KIAA1549: variants seen among roughly 807,000 people sequenced by gnomAD.
KIAA1549 encodes KIAA1549.
In KIAA1549, 70 loss-of-function variants were observed where a neutral mutation model predicts 156.4. The ratio of observed to expected loss-of-function variants is 0.45; its 90% CI spans 0.37 to 0.55. The LOEUF is 0.55. Ranked by LOEUF, KIAA1549 falls within the 20% of genes least tolerant of loss-of-function variation. The pLI is 0.00. For missense variants in KIAA1549, 2,428 were observed against 2,540.9 expected (o/e 0.96, Z 0.96); for synonymous variants, 1,103 against 1,066.4 (o/e 1.03, Z -0.67).
chr7:138,861,134 C>A lies in KIAA1549; in HGVS notation c.5247+5G>T, dbSNP rs1196804291. The A allele has an allele frequency of 6.2e-7, 1 of 1,613,610 alleles. No individual in the cohort carries two copies. The highest frequency in any genetic ancestry group is 1.3e-5 in the African/African-American group (1 of 75,052). ...ATCAGAGAATTCTAGAAGGCCAGTA[C>A]TTACACTGCAGGGATTGTTGGCCGT... is the stretch of plus-strand genomic sequence containing the variant. On this transcript the variant is annotated splice_donor_5th_base_variant and intron_variant, in intron 16 of 19. Transcript: ENST00000422774.
intron 1 of KIAA1549, among the ~76,000 whole-genome samples, chr7:138,946,716 T>C (rs1273436315): frequency 6.6e-6 from 1 of 152,098 alleles, no homozygotes; most frequent in Non-Finnish European, 1.5e-5. Flanking sequence ...GAGGCAGAAG[T>C]TGCAGTGAGC....
chr7:138,837,663 G>A lies in KIAA1549; in HGVS notation c.*243C>T. ...TGTTTTGTTTTTGTGAAGTGCTGCT[G>A]GCTTTTGGCCAAAATACATATATTT... On this transcript the variant is annotated 3_prime_UTR_variant, in exon 20 of 20. Coordinates refer to ENST00000422774, the MANE Select transcript of KIAA1549 (RefSeq NM_001164665.2). 1.8e-6 allele frequency: 1 copy of A among 560,928 alleles called. No homozygotes were observed. Among genetic ancestry groups the A allele is most frequent in the Non-Finnish European group, 3.1e-6 (1 of 319,988 alleles). The allele number at this position is 560,928 out of a possible 1,614,324, so 34.7% of individuals were successfully genotyped here. A position where few individuals can be genotyped will look rare whatever the true frequency, so the allele number is the denominator to read the frequency against.
intron 15 of KIAA1549, among the ~76,000 whole-genome samples, chr7:138,865,849 G>A (rs1584714278): frequency 6.6e-6 from 1 of 152,176 alleles, no homozygotes; most frequent in Admixed American, 6.5e-5. Context: ...AAAGAGAGGG[G>A]GACTGAGAGG....
chr7:138,942,243 A>G (rs1364610042), intron 1 of KIAA1549, among the ~76,000 whole-genome samples: 1 of 152,174 alleles, frequency 6.6e-6, no homozygotes, highest in Non-Finnish European at 1.5e-5. Context: ...ATTCTTGAGC[A>G]GCTCTGTACA....
At chr7:138,883,462 G>A (rs940031514) in intron 10 of KIAA1549, among the ~76,000 whole-genome samples, 1 of 151,700 alleles carries the variant, frequency 6.6e-6, no homozygotes, top group Non-Finnish European at 1.5e-5. Flanking sequence ...AAGGGTGCAC[G>A]CCACCATGCC....
At chr7:138,840,851 C>G (rs1201365591) in intron 18 of KIAA1549, among the ~76,000 whole-genome samples, 2 of 152,134 alleles carry the variant, frequency 1.3e-5, no homozygotes, top group Non-Finnish European at 2.9e-5. Context: ...ACCCCTGATG[C>G]AACTGTTTTG....
chr7:138,879,815 A>C (rs993337930), intron 11 of KIAA1549, among the ~76,000 whole-genome samples, 162 bp from the exon 12 acceptor site: 2 of 152,214 alleles, frequency 1.3e-5, no homozygotes, highest in Admixed American at 1.3e-4. Context: ...GGATCACATT[A>C]ACACCACAGT....
intron 15 of KIAA1549, among the ~76,000 whole-genome samples, chr7:138,865,595 A>G (rs1473274057): frequency 6.6e-6 from 1 of 152,148 alleles, no homozygotes; most frequent in Non-Finnish European, 1.5e-5. Flanking sequence ...ATTTTGGGGC[A>G]ATCTTTTAAA....
chr7:138,939,748 A>T (rs1201014012), intron 1 of KIAA1549, among the ~76,000 whole-genome samples: 3 of 152,188 alleles, frequency 2.0e-5, no homozygotes, highest in Non-Finnish European at 4.4e-5. Flanking sequence ...ATCCATTACA[A>T]GGCTCCTCAT....
chr7:138,831,523 AG>A lies in KIAA1549; in HGVS notation c.*6382del, dbSNP rs1157831806. 4 of 220,504 alleles carry A rather than the reference AG, an allele frequency of 1.8e-5. No individual in the cohort carries two copies. The highest frequency in any genetic ancestry group is 1.2e-4 in the Admixed American group (2 of 17,332). 13.7% of individuals were successfully genotyped at this position (220,504 alleles called of 1,614,324 possible). On this transcript the variant is annotated 3_prime_UTR_variant, in exon 20 of 20. Transcript: ENST00000422774. Reference sequence around the variant, plus strand: ...CATTAGAAAACAGTGCAGCTATTGAAGGATAGAAACATAAAACCGACAAATA... The same window carrying A: ...CATTAGAAAACAGTGCAGCTATTGAAGATAGAAACATAAAACCGACAAATA...
chr7:138,874,246 T>C (rs182155109), intron 12 of KIAA1549, among the ~76,000 whole-genome samples: 1 of 151,918 alleles, frequency 6.6e-6, no homozygotes, highest in Admixed American at 6.6e-5. Flanking sequence ...GAACTTGGGA[T>C]TAAAACCCCT....
At position 138,837,213 on chromosome 7, in the gene KIAA1549, A is replaced by G. The variant is rs1809735354; in HGVS notation, c.*693T>C. The G allele has an allele frequency of 4.4e-6, 1 of 227,370 alleles. No homozygotes were observed. The highest frequency in any genetic ancestry group is 5.7e-5 in the Admixed American group (1 of 17,594). 14.1% of individuals were successfully genotyped at this position (227,370 alleles called of 1,614,324 possible). On this transcript the variant is annotated 3_prime_UTR_variant, in exon 20 of 20. Coordinates refer to ENST00000422774, the MANE Select transcript of KIAA1549 (RefSeq NM_001164665.2). ...TTTTCTAGAACAAAATGAAACCTTCAACATATTCTTCCACTGAAAAAGCCA... is the reference window on the plus strand; with the variant it reads ...TTTTCTAGAACAAAATGAAACCTTCGACATATTCTTCCACTGAAAAAGCCA...
At position 138,918,699 on chromosome 7, in the gene KIAA1549, C is replaced by A. The variant is rs2130482405; in HGVS notation, c.927G>T (p.Gln309His). The A allele has an allele frequency of 6.2e-7, 1 of 1,613,836 alleles. No individual in the cohort carries two copies. Among genetic ancestry groups the A allele is most frequent in the Non-Finnish European group, 8.5e-7 (1 of 1,179,890 alleles). ...TTGTGGCCCAAACCTCCTCTGGAGG[C>A]TGTGAGACCTCCCCCAAGGAGGGCA... ...IPLPSLGEVS[Q>H]PPEEVWATSA... Residue 309 changes from glutamine (Q) to histidine (H), a missense_variant, in exon 2 of 20, where the codon CAG (glutamine) becomes CAT (histidine). Physicochemically the swap from Gln to His is conservative, Grantham distance 24. Around this residue, in one of 5 missense-constraint regions of KIAA1549, gnomAD observed 893 missense variants for 847.9 expected, o/e 1.05. Transcript: ENST00000422774. This position sits in a 1 kb window ranked among gnomAD's most constrained non-coding sequence, Gnocchi z 4.2.
intron 11 of KIAA1549, among the ~76,000 whole-genome samples, chr7:138,881,140 C>G (rs539335508): frequency 1.3e-5 from 2 of 152,180 alleles, no homozygotes; most frequent in Non-Finnish European, 2.9e-5. Context: ...ACCCCTAAAC[C>G]ATCACAGATA....
At chr7:138,854,631 C>T (rs1040380749) in intron 16 of KIAA1549, among the ~76,000 whole-genome samples, 1 of 152,036 alleles carries the variant, frequency 6.6e-6, no homozygotes, top group Non-Finnish European at 1.5e-5. Flanking sequence ...AATCCATTTA[C>T]AAACATGTTG....
At chr7:138,973,600 A>C (rs1341813325) in intron 1 of KIAA1549, among the ~76,000 whole-genome samples, 2 of 151,976 alleles carry the variant, frequency 1.3e-5, no homozygotes, top group African/African-American at 4.8e-5. Context: ...CCCCCTCACT[A>C]GTGTCTTCCA....
intron 1 of KIAA1549, among the ~76,000 whole-genome samples, chr7:138,958,056 G>T (rs1382306750): frequency 6.6e-6 from 1 of 152,180 alleles, no homozygotes; most frequent in Non-Finnish European, 1.5e-5. Flanking sequence ...CTTTGACAAC[G>T]TCTGTGAATA....
intron 1 of KIAA1549, among the ~76,000 whole-genome samples, chr7:138,979,273 GAGA>G (rs1283299650): frequency 1.3e-5 from 2 of 152,236 alleles, no homozygotes; most frequent in South Asian, 2.1e-4. Flanking sequence ...TTCCAAAGAA[GAGA>G]AGGTTAGGGA....
Position 138,915,640 on chromosome 7 carries a change from T to C in KIAA1549, c.2878+1108A>G, listed in dbSNP as rs560614476. Among the ~76,000 whole-genome samples the C allele has an allele frequency of 4.0e-5, 6 of 150,356 alleles. No individual in the cohort carries two copies. The South Asian group carries it at 1.3e-3, about 32-fold the overall frequency. On this transcript the variant is annotated intron_variant, in intron 2 of 19. Coordinates refer to ENST00000422774, the MANE Select transcript of KIAA1549 (RefSeq NM_001164665.2). ...AAAAGACCCAGCGTGTTCTCCTCCT[T>C]CTCCCCCTTCCACATTCTCTGCTCC...
Sources: allele counts gnomAD v4.1 joint callset (sites outside exome capture counted in the v4.1 genomes callset), GRCh38; gene constraint gnomAD v4.1.1; regional missense constraint gnomAD v4.1.1; non-coding constraint Gnocchi (gnomAD v3.1); transcripts MANE v1.5; gene names NCBI Gene and HGNC (gene_info 2026-07-23, HGNC 2026-07-21).